Variants in RBFOX3 observed in about 807,000 individuals in gnomAD.
RBFOX3 encodes the protein RNA binding fox-1 homolog 3.
RBFOX3 carries 17 observed loss-of-function variants against 48.7 expected under a neutral mutation model. The observed-to-expected ratio is 0.35, with a 90% CI of 0.24 to 0.52. The LOEUF is 0.52. Among genes scored for constraint, RBFOX3 ranks in the 20% least tolerant of loss-of-function variants. The probability of loss-of-function intolerance (pLI) is 0.94; values close to 1 mark genes in which losing one functional copy is unlikely to be tolerated. For synonymous variants in RBFOX3, 212 were observed against 209.5 expected (o/e 1.01, Z -0.10); for missense variants, 382 against 497.5 (o/e 0.77, Z 2.21).
intron 1 of RBFOX3, among the ~76,000 whole-genome samples, chr17:79,545,701 C>T (rs1371362043): frequency 2.6e-5 from 4 of 152,234 alleles, no homozygotes; most frequent in South Asian, 2.1e-4. Context: ...TATCCAATTC[C>T]GCCTCCCAGC....
chr17:79,322,747 A>C (rs1185951922), intron 2 of RBFOX3, among the ~76,000 whole-genome samples: 1 of 152,108 alleles, frequency 6.6e-6, no homozygotes, highest in African/African-American at 2.4e-5. Context: ...TCATATATGC[A>C]TGCCCCAGAG....
chr17:79,309,764 C>T (rs190714374), intron 2 of RBFOX3, among the ~76,000 whole-genome samples: 462 of 152,242 alleles, frequency 3.0e-3, no homozygotes, highest in Admixed American at 4.5e-3. Context: ...AGTGAGTTCT[C>T]GTGAGAGCTG....
rs540609315 is a variant in RBFOX3, at chr17:79,111,780, A to G, written c.222+3714T>C. On this transcript the variant is annotated intron_variant, in intron 5 of 14. Transcript: ENST00000693108. The surrounding 1 kb of genome is among the most constrained non-coding windows in gnomAD (Gnocchi z 4.2). ...TGAGCACAAAGACTCCCAAGGGCCCACAGTACTGGCACCTGCGTGACCCCG... is the reference window on the plus strand; with the variant it reads ...TGAGCACAAAGACTCCCAAGGGCCCGCAGTACTGGCACCTGCGTGACCCCG... Among the ~76,000 whole-genome samples the G allele has an allele frequency of 6.6e-6, 1 of 152,324 alleles. No individual in the cohort carries two copies. Among genetic ancestry groups the G allele is most frequent in the South Asian group, 2.1e-4 (1 of 4,826 alleles).
intron 2 of RBFOX3, among the ~76,000 whole-genome samples, chr17:79,339,208 C>T (rs1322429793): frequency 1.3e-5 from 2 of 152,106 alleles, no homozygotes; most frequent in South Asian, 2.1e-4. Flanking sequence ...GCATGCACCA[C>T]CACACTCGGA....
chr17:79,174,032 C>T (rs1178821685), intron 4 of RBFOX3, among the ~76,000 whole-genome samples: 25 of 152,042 alleles, frequency 1.6e-4, no homozygotes, highest in Admixed American at 1.6e-3. Flanking sequence ...TTGTGAAGTC[C>T]CATCCGCTTA....
intron 2 of RBFOX3, among the ~76,000 whole-genome samples, chr17:79,330,070 T>C (rs1288720133): frequency 6.6e-6 from 1 of 152,200 alleles, no homozygotes; most frequent in Non-Finnish European, 1.5e-5. Flanking sequence ...GCAGAAAAAC[T>C]GACCATCACA....
intron 2 of RBFOX3, among the ~76,000 whole-genome samples, chr17:79,387,478 G>A (rs1252804087): frequency 2.0e-5 from 3 of 152,224 alleles, no homozygotes; most frequent in Admixed American, 6.5e-5. Context: ...CCTGATCTAG[G>A]GATAAATACT....
chr17:79,091,237 C>A (rs556510857), intron 14 of RBFOX3, among the ~76,000 whole-genome samples: 4 of 152,156 alleles, frequency 2.6e-5, no homozygotes, highest in Non-Finnish European at 5.9e-5. Context: ...GGGCCCCCCA[C>A]GGCAAGGGCC....
intron 2 of RBFOX3, among the ~76,000 whole-genome samples, chr17:79,350,936 TC>T (rs2083817191): frequency 1.3e-5 from 2 of 152,188 alleles, no homozygotes; most frequent in Non-Finnish European, 2.9e-5. Flanking sequence ...CTCCCTGGCA[TC>T]CCCTGGTAAC....
In RBFOX3 at chr17:79,294,558, T is replaced by C. The variant is rs377612386; in HGVS notation, c.-74+13166A>G. Among the ~76,000 whole-genome samples the C allele has an allele frequency of 2.6e-5, 4 of 152,222 alleles. No individual in the cohort carries two copies. The South Asian group carries it at 6.2e-4, about 24-fold the overall frequency. ...AACTCCTGACCTCAAATGACCTGCC[T>C]GCCGCGACTGGGATTATAAGCGTGA... On this transcript the variant is annotated intron_variant, in intron 3 of 14. Coordinates refer to ENST00000693108, the MANE Select transcript of RBFOX3 (RefSeq NM_001350451.2).
At chr17:79,368,390 T>C (rs1182180946) in intron 2 of RBFOX3, among the ~76,000 whole-genome samples, 1 of 152,230 alleles carries the variant, frequency 6.6e-6, no homozygotes, top group Non-Finnish European at 1.5e-5. Context: ...CTGTCCTGCA[T>C]CTGGGTTTCC....
At chr17:79,595,929 A>C (rs996703017) in intron 1 of RBFOX3, among the ~76,000 whole-genome samples, 1 of 152,198 alleles carries the variant, frequency 6.6e-6, no homozygotes, top group Admixed American at 6.5e-5. Flanking sequence ...AATAATCACG[A>C]GCGTACTCCC....
chr17:79,107,253 G>A (rs958544223), intron 5 of RBFOX3, among the ~76,000 whole-genome samples: 8 of 152,174 alleles, frequency 5.3e-5, no homozygotes, highest in Non-Finnish European at 8.8e-5. Flanking sequence ...CCGCCTGTCC[G>A]AAGGTGCTGC....
chr17:79,511,172 G>A (rs965004641), intron 1 of RBFOX3, among the ~76,000 whole-genome samples: 21 of 152,184 alleles, frequency 1.4e-4, no homozygotes, highest in Non-Finnish European at 1.5e-4. Context: ...CCTGGGCTGT[G>A]TCCTCCTGAG....
chr17:79,485,716 A>G (rs2079482160), intron 1 of RBFOX3, among the ~76,000 whole-genome samples: 1 of 152,168 alleles, frequency 6.6e-6, no homozygotes, highest in Non-Finnish European at 1.5e-5. Flanking sequence ...TGGAGACACG[A>G]GCGATCCACA....
intron 4 of RBFOX3, among the ~76,000 whole-genome samples, chr17:79,186,611 C>T (rs532918725): frequency 2.1e-4 from 32 of 152,260 alleles, no homozygotes; most frequent in East Asian, 1.2e-3. Flanking sequence ...GTGCTGCCCC[C>T]GCTCCTGGGG....
chr17:79,225,108 C>T (rs1404055635), intron 4 of RBFOX3, among the ~76,000 whole-genome samples: 1 of 152,116 alleles, frequency 6.6e-6, no homozygotes, highest in East Asian at 1.9e-4. Context: ...AAAACATGCC[C>T]CTGCCTTTCC....
At chr17:79,394,830 G>A (rs1000840892) in intron 2 of RBFOX3, among the ~76,000 whole-genome samples, 1 of 152,164 alleles carries the variant, frequency 6.6e-6, no homozygotes, top group Non-Finnish European at 1.5e-5. Flanking sequence ...CCGGGCCCTC[G>A]CTACATGAGT....
At chr17:79,163,006 C>CA (rs1405664264) in intron 4 of RBFOX3, among the ~76,000 whole-genome samples, 4 of 152,216 alleles carry the variant, frequency 2.6e-5, no homozygotes, top group Non-Finnish European at 5.9e-5. Context: ...CTCCTGAGCA[C>CA]AGACACGCCA....
Sources: gnomAD v4.1 joint callset for allele counts (sites outside exome capture counted in the v4.1 genomes callset) on GRCh38, gnomAD v4.1.1 for gene constraint, Gnocchi (gnomAD v3.1) non-coding constraint, MANE v1.5 for transcripts, NCBI Gene and HGNC (gene_info 2026-07-23, HGNC 2026-07-21) for gene names.